The following HPD variants were observed in gnomAD, a reference collection of about 807,000 sequenced individuals.
HPD encodes the protein 4-hydroxyphenylpyruvic acid oxidase.
A neutral mutation model predicts 56.9 loss-of-function variants in HPD; 35 were observed. The ratio of observed to expected loss-of-function variants is 0.62; its 90% CI spans 0.47 to 0.82. HPD has a LOEUF of 0.82. Ranked by LOEUF, HPD falls within the 40% of genes least tolerant of loss-of-function variation. The pLI is 0.00. For synonymous variants in HPD, 186 were observed against 200.2 expected (o/e 0.93, Z 0.60); for missense variants, 442 against 506.8 (o/e 0.87, Z 1.23).
At chr12:121,841,777 T>G (rs780222105) in intron 12 of HPD, among the ~76,000 whole-genome samples, 197 of 151,758 alleles carry the variant, frequency 1.3e-3, no homozygotes, top group Non-Finnish European at 2.0e-3. Flanking sequence ...TCCCCTTCCC[T>G]GGGTTCAAGC....
intron 7 of HPD, among the ~76,000 whole-genome samples, chr12:121,851,236 A>G (rs896031327): frequency 6.6e-6 from 1 of 151,344 alleles, no homozygotes; most frequent in Non-Finnish European, 1.5e-5. Context: ...CTGGTCTTGA[A>G]CTCCTGACCT....
upstream of HPD, among the ~76,000 whole-genome samples, chr12:121,865,544 C>T (rs957329799): frequency 7.6e-4 from 108 of 142,844 alleles, no homozygotes; most frequent in African/African-American, 2.7e-3. Flanking sequence ...GCTGGGATTA[C>T]AGGCATGAGC....
rs1878061661 is a variant in HPD at position 121,857,828 on chromosome 12, G to A, written c.31-9C>T. The stretch of plus-strand genomic sequence containing the variant: ...AATCGGCCTCTCTCAGGCTGCAGAA[G>A]GAGAGAAGAGGTGAGGTTGAGTCCC... On this transcript the variant is annotated splice_polypyrimidine_tract_variant and intron_variant, in intron 2 of 13. Transcript: ENST00000289004. 6.2e-7 allele frequency: 1 copy of A among 1,612,246 alleles called. No homozygotes were observed. Among genetic ancestry groups the A allele is most frequent in the Non-Finnish European group, 8.5e-7 (1 of 1,178,316 alleles).
Position 121,847,043 on chromosome 12 carries a change from C to T in HPD, c.759+9G>A, listed in dbSNP as rs763648439. On this transcript the variant is annotated intron_variant, in intron 10 of 13. Coordinates refer to ENST00000289004, the MANE Select transcript of HPD (RefSeq NM_002150.3). ...TGCTCCCCTCTCCCCCAGCCAGGGG[C>T]GGCCTCACCTGGATCTGGGACTTCT... 5.3e-5 allele frequency: 86 copies of T among 1,613,954 alleles called. No individual in the cohort carries two copies. In the South Asian group the frequency reaches 6.0e-4, roughly 11 times the overall value.
rs1328519238 is a variant in HPD at position 121,839,962 on chromosome 12, G to A, written c.1041C>T (p.Phe347=). 6.2e-7 allele frequency: 1 copy of A among 1,613,976 alleles called. No individual in the cohort carries two copies. The highest frequency in any genetic ancestry group is 1.7e-5 in the Admixed American group (1 of 59,992). ...GGTTGTGGCGCTGGATGACTTCCAG[G>A]AAGAGCGTGGGCCGGTCCTGCACCG... ...TKPVQDRPTL[F]LEVIQRHNHQ... is the part of the protein sequence containing the mutation. Residue 347 remains phenylalanine, a synonymous_variant, in exon 13 of 14, where the codon TTC becomes TTT. Coordinates refer to ENST00000289004, the MANE Select transcript of HPD (RefSeq NM_002150.3).
intron 11 of HPD, among the ~76,000 whole-genome samples, chr12:121,844,448 A>T (rs1269635744): frequency 6.6e-6 from 1 of 151,880 alleles, no homozygotes; most frequent in African/African-American, 2.4e-5. Context: ...GAGGCATGAA[A>T]CGATTAAGGA....
At chr12:121,868,636 C>T in the HPD span, among the ~76,000 whole-genome samples, 1 of 151,808 alleles carries the variant, frequency 6.6e-6, no homozygotes, top group Non-Finnish European at 1.5e-5. Context: ...TCTCCTGCCT[C>T]AGCCTCCTGA....
upstream of HPD, among the ~76,000 whole-genome samples, chr12:121,868,513 CTTTTTTCTTTTT>C (rs1565882652): frequency 3.0e-5 from 4 of 135,228 alleles, no homozygotes. Flanking sequence ...CTATTTCTTT[CTTTTTTCTTTTT>C]TTTTTTTTTT....
chr12:121,850,629 ATG>A (rs1877736697), intron 7 of HPD, among the ~76,000 whole-genome samples: 2 of 147,244 alleles, frequency 1.4e-5, no homozygotes, highest in Non-Finnish European at 3.0e-5. Flanking sequence ...GTGTACCACC[ATG>A]CCGGGCCCAC....
the HPD span, among the ~76,000 whole-genome samples, chr12:121,883,158 T>A: frequency 6.7e-6 from 1 of 148,960 alleles, no homozygotes; most frequent in Non-Finnish European, 1.5e-5. Context: ...CTGTTAGAAG[T>A]TCAGCATGGC....
the HPD span, among the ~76,000 whole-genome samples, chr12:121,868,712 A>G: frequency 1.3e-5 from 2 of 151,064 alleles, no homozygotes; most frequent in Admixed American, 6.6e-5. Flanking sequence ...TTAGACATAG[A>G]GTTTCACCAT....
chr12:121,862,906 TC>T (rs1878220127), upstream of HPD, among the ~76,000 whole-genome samples: 1 of 149,928 alleles, frequency 6.7e-6, no homozygotes, highest in Non-Finnish European at 1.5e-5. Context: ...GGTCTCAATC[TC>T]CTGACCTCGT....
At chr12:121,851,776 C>G (rs369014787) in intron 7 of HPD, among the ~76,000 whole-genome samples, 1 of 17,324 alleles carries the variant, frequency 5.8e-5, no homozygotes, top group Admixed American at 5.2e-4. Flanking sequence ...GTGGCGCGAT[C>G]TCGGCTCACT....
upstream of HPD, chr12:121,859,082 G>A (rs1190715618): frequency 3.6e-6 from 2 of 559,534 alleles, no homozygotes; most frequent in Non-Finnish European, 6.4e-6. Context: ...AGGGCCAGAA[G>A]CCAAGGGCAA....
At position 121,848,858 on chromosome 12, in the gene HPD, G is replaced by A. The variant is rs1467314668; in HGVS notation, c.596+141C>T. On this transcript the variant is annotated intron_variant, in intron 9 of 13. Transcript: ENST00000289004. ...TGACCTCAAGTGATCCTCCCACCTC[G>A]GCTTCCCAGAATGCTGGGATTACGG... is the stretch of plus-strand genomic sequence containing the variant. 16 of 758,582 alleles carry A rather than the reference G, an allele frequency of 2.1e-5. No individual in the cohort carries two copies. The East Asian group carries it at 3.0e-4, about 14-fold the overall frequency. The allele number at this position is 758,582 out of a possible 1,614,324, so 47.0% of individuals were successfully genotyped here.
chr12:121,847,143 G>C lies in HPD; in HGVS notation c.668C>G (p.Ser223Cys). ...GTTGGCCACCACAATGGATCGCAGA[G>C]AGCTATATTCCGTGTGCACCTGCGT... ...DDTQVHTEYS[S>C]LRSIVVANYE... Residue 223 changes from serine to cysteine, a missense_variant, in exon 10 of 14, where the codon TCT becomes TGT. Physicochemically the swap from Ser to Cys is moderately radical, Grantham distance 112. Coordinates refer to ENST00000289004, the MANE Select transcript of HPD (RefSeq NM_002150.3). The C allele has an allele frequency of 1.2e-6, 2 of 1,614,132 alleles. No individual in the cohort carries two copies. Among genetic ancestry groups the C allele is most frequent in the South Asian group, 2.2e-5 (2 of 91,082 alleles).
chr12:121,878,408 G>A, the HPD span, among the ~76,000 whole-genome samples: 91 of 152,244 alleles, frequency 6.0e-4, no homozygotes, highest in African/African-American at 1.8e-3. Flanking sequence ...GGGTATAGTG[G>A]TATGATCTTG....
chr12:121,863,358 A>G (rs1041695598), upstream of HPD, among the ~76,000 whole-genome samples: 1 of 152,212 alleles, frequency 6.6e-6, no homozygotes, highest in Non-Finnish European at 1.5e-5. Context: ...GAGAGGGTAC[A>G]TCACAGGGAC....
At chr12:121,845,473 T>C (rs190749618) in intron 11 of HPD, among the ~76,000 whole-genome samples, 3,291 of 137,502 alleles carry the variant, frequency 0.024, 108 homozygotes, top group Non-Finnish European at 0.028. Context: ...TGGTGGCGGG[T>C]GCCTGTAGTC....
Sources: allele counts gnomAD v4.1 joint callset (sites outside exome capture counted in the v4.1 genomes callset), GRCh38; gene constraint gnomAD v4.1.1; transcripts MANE v1.5; gene names NCBI Gene and HGNC (gene_info 2026-07-23, HGNC 2026-07-21).